The following SCAMP4 variants were observed in gnomAD, a reference collection of about 807,000 sequenced individuals.
SCAMP4 encodes the protein secretory carrier-associated membrane protein 4.
SCAMP4 carries 19 observed loss-of-function variants against 32.1 expected under a neutral mutation model. The ratio of observed to expected loss-of-function variants is 0.59; its 90% CI spans 0.41 to 0.87. The LOEUF is 0.87. SCAMP4 is among the 40% of genes least tolerant of loss of function. SCAMP4 has a pLI of 0.00. For synonymous variants in SCAMP4, 152 were observed against 132.7 expected (o/e 1.15, Z -1.00); for missense variants, 302 against 309.0 (o/e 0.98, Z 0.17).
rs558660731 is a variant in SCAMP4, at chr19:1,921,472, A to G, written c.396-1598A>G. ...GCAGGGGCCCCCGGTGGGCCCCGCC[A>G]GGAATCGGACATCAGCGGGCGCCGC... On this transcript the variant is annotated intron_variant, in intron 5 of 6. Coordinates refer to ENST00000316097, the MANE Select transcript of SCAMP4 (RefSeq NM_079834.4). 17 of 985,410 alleles carry G rather than the reference A, an allele frequency of 1.7e-5. No individual in the cohort carries two copies. The African/African-American group carries it at 2.4e-4, about 14-fold the overall frequency. The allele number at this position is 985,410 out of a possible 1,614,324, so 61.0% of individuals were successfully genotyped here. A position where few individuals can be genotyped will look rare whatever the true frequency, so the allele number is the denominator to read the frequency against.
At chr19:1,919,507 T>A in intron 5 of SCAMP4, 2 of 973,214 alleles carry the variant, frequency 2.1e-6, no homozygotes, top group Non-Finnish European at 2.4e-6. Flanking sequence ...TTTTTTTTTT[T>A]TTTTTTTGAG....
intron 1 of SCAMP4, chr19:1,911,821 G>A (rs1472804105): frequency 2.3e-6 from 1 of 443,096 alleles, no homozygotes; most frequent in South Asian, 7.4e-5. Context: ...AAAATGATCT[G>A]TCTTCTGGTA....
At position 1,919,498 on chromosome 19, in the gene SCAMP4, T is replaced by C. The variant is rs530500201; in HGVS notation, c.395+508T>C. On this transcript the variant is annotated intron_variant, in intron 5 of 6. Coordinates refer to ENST00000316097, the MANE Select transcript of SCAMP4 (RefSeq NM_079834.4). ...AATTTCTGCCTTTTTTCTTTTCTTT[T>C]TTTTTTTTTTTTTTTTGAGACAGAG... 1.2e-4 allele frequency: 109 copies of C among 910,024 alleles called. 1 individual carries two copies. In the East Asian group the frequency reaches 3.0e-3, roughly 25 times the overall value. The allele number at this position is 910,024 out of a possible 1,614,324, so 56.4% of individuals were successfully genotyped here.
chr19:1,907,848 C>A (rs72975698), intron 1 of SCAMP4, among the ~76,000 whole-genome samples: 30 of 151,794 alleles, frequency 2.0e-4, no homozygotes, highest in Non-Finnish European at 4.1e-4. Flanking sequence ...AGTGAGTCGT[C>A]CCCCCGGGCC....
At chr19:1,921,184 T>C (rs2013908852) in intron 5 of SCAMP4, 2 of 984,790 alleles carry the variant, frequency 2.0e-6, no homozygotes. Flanking sequence ...CTCCCTGTCC[T>C]GGGCGGCTTC....
intron 5 of SCAMP4, chr19:1,921,434 AGGACACGGT>A (rs2013916752): frequency 1.0e-6 from 1 of 985,260 alleles, no homozygotes; most frequent in African/African-American, 1.7e-5. Context: ...CCAGGTACTG[AGGACACGGT>A]GCAGCAGGGG....
chr19:1,918,598 C>T lies in SCAMP4; in HGVS notation c.294-291C>T, dbSNP rs141632432. The T allele has an allele frequency of 3.2e-4, 164 of 517,762 alleles. 1 individual carries two copies. In the East Asian group the frequency reaches 5.3e-3, roughly 17 times the overall value. The allele number at this position is 517,762 out of a possible 1,614,324, so 32.1% of individuals were successfully genotyped here. ...CCAACATGGTGAAACGCTGTCTCTA[C>T]TATAGGTACAAAAATTAGCCAGGCG... On this transcript the variant is annotated intron_variant, in intron 4 of 6. Transcript: ENST00000316097.
Position 1,908,676 on chromosome 19 carries a change from G to A in SCAMP4, c.-42+3237G>A. Reference sequence around the variant, plus strand: ...GGATTTTATTATTATTTATTTATTTGAAAAAAGGAACAGGGTCTCTCTATC... The same window carrying A: ...GGATTTTATTATTATTTATTTATTTAAAAAAAGGAACAGGGTCTCTCTATC... On this transcript the variant is annotated intron_variant, in intron 1 of 6. Coordinates refer to ENST00000316097, the MANE Select transcript of SCAMP4 (RefSeq NM_079834.4). The surrounding 1 kb of genome is among the most constrained non-coding windows in gnomAD (Gnocchi z 4.2). The A allele has an allele frequency of 2.3e-6, 1 of 429,306 alleles. No individual in the cohort carries two copies. Among genetic ancestry groups the A allele is most frequent in the South Asian group, 1.7e-5 (1 of 59,068 alleles). 26.6% of individuals were successfully genotyped at this position (429,306 alleles called of 1,614,324 possible).
At chr19:1,915,695 C>T (rs2013708402) in intron 2 of SCAMP4, among the ~76,000 whole-genome samples, 1 of 152,174 alleles carries the variant, frequency 6.6e-6, no homozygotes, top group Admixed American at 6.5e-5. Context: ...GCCTGTAATC[C>T]CAGCACTTTG....
At chr19:1,911,933 TG>T in intron 1 of SCAMP4, 2 of 1,332,558 alleles carry the variant, frequency 1.5e-6, no homozygotes, top group Non-Finnish European at 1.9e-6. Context: ...TGCGGTGACC[TG>T]GGCCGGAGCC....
At chr19:1,906,525 C>G (rs559772786) in intron 1 of SCAMP4, 2 of 151,536 alleles carry the variant, frequency 1.3e-5, no homozygotes, top group South Asian at 4.2e-4. Flanking sequence ...GGCAACAGAG[C>G]GAGACCCTGT....
In SCAMP4 at chr19:1,924,557, C is replaced by T. The variant is rs1204532867; in HGVS notation, c.*273C>T. ...TTGCTCCCGGAAACGTGTGGTCACC[C>T]GCCGTCCACTGCACGGCTGGTACGG... On this transcript the variant is annotated 3_prime_UTR_variant, in exon 7 of 7. Coordinates refer to ENST00000316097, the MANE Select transcript of SCAMP4 (RefSeq NM_079834.4). The T allele has an allele frequency of 4.0e-6, 2 of 494,676 alleles. No individual in the cohort carries two copies. Among genetic ancestry groups the T allele is most frequent in the Non-Finnish European group, 7.5e-6 (2 of 267,596 alleles). The allele number at this position is 494,676 out of a possible 1,614,324, so 30.6% of individuals were successfully genotyped here.
chr19:1,916,571 GCCTCAGCCT>G (rs2013740340), intron 2 of SCAMP4, among the ~76,000 whole-genome samples: 4 of 152,128 alleles, frequency 2.6e-5, no homozygotes, highest in African/African-American at 9.7e-5. Flanking sequence ...CGATCCTCCT[GCCTCAGCCT>G]CCCGAGAAGC....
intron 6 of SCAMP4, among the ~76,000 whole-genome samples, chr19:1,923,782 C>T (rs894751634): frequency 6.8e-6 from 1 of 147,282 alleles, no homozygotes; most frequent in Non-Finnish European, 1.5e-5. Context: ...CCGCACCTGG[C>T]TAATTATTTT....
Position 1,908,093 on chromosome 19 carries a change from A to G in SCAMP4, c.-42+2654A>G, listed in dbSNP as rs1479438523. 1.0e-5 allele frequency: 2 copies of G among 192,332 alleles called. No individual in the cohort carries two copies. The highest frequency in any genetic ancestry group is 4.8e-5 in the African/African-American group (2 of 41,574). The allele number at this position is 192,332 out of a possible 1,614,324, so 11.9% of individuals were successfully genotyped here. A position where few individuals can be genotyped will look rare whatever the true frequency, so the allele number is the denominator to read the frequency against. On this transcript the variant is annotated intron_variant, in intron 1 of 6. Transcript: ENST00000316097. This position sits in a 1 kb window ranked among gnomAD's most constrained non-coding sequence, Gnocchi z 4.2. Reference sequence around the variant, plus strand: ...TGTGTTTGTCTTTTACCCTGGAGACAGTGGAGTGTTTGTGGCCTAGCAGGG... The same window carrying G: ...TGTGTTTGTCTTTTACCCTGGAGACGGTGGAGTGTTTGTGGCCTAGCAGGG...
At chr19:1,919,435 G>A in intron 5 of SCAMP4, 2 of 985,148 alleles carry the variant, frequency 2.0e-6, no homozygotes, top group Non-Finnish European at 2.4e-6. Flanking sequence ...ACTCTCTAAG[G>A]CTGCCAGGTG....
chr19:1,912,945 C>G lies in SCAMP4; in HGVS notation c.-41-2034C>G, dbSNP rs1292691294. Reference sequence around the variant, plus strand: ...CCCCTACCTGTGCACTGGCTACGACCTGTACGTGACCCGCGAGCCCTGCGC... The same window carrying G: ...CCCCTACCTGTGCACTGGCTACGACGTGTACGTGACCCGCGAGCCCTGCGC... On this transcript the variant is annotated intron_variant, in intron 1 of 6. Coordinates refer to ENST00000316097, the MANE Select transcript of SCAMP4 (RefSeq NM_079834.4). 11 of 1,610,324 alleles carry G rather than the reference C, an allele frequency of 6.8e-6. No homozygotes were observed. In the East Asian group the frequency reaches 1.1e-4, roughly 16 times the overall value.
chr19:1,905,478 C>T (rs1323926999), intron 1 of SCAMP4, 39 bp downstream of exon 1: 3 of 447,790 alleles, frequency 6.7e-6, no homozygotes, highest in South Asian at 1.6e-5. Flanking sequence ...TCTCCAGGCT[C>T]AGACTTCCCC....
chr19:1,920,760 G>A, intron 5 of SCAMP4: 1 of 985,528 alleles, frequency 1.0e-6, no homozygotes, highest in Non-Finnish European at 1.2e-6. Flanking sequence ...CCTCCTGTGA[G>A]CCGCCTCCCC....
Sources: allele counts gnomAD v4.1 joint callset (sites outside exome capture counted in the v4.1 genomes callset), GRCh38; gene constraint gnomAD v4.1.1; non-coding constraint Gnocchi (gnomAD v3.1); transcripts MANE v1.5; gene names NCBI Gene and HGNC (gene_info 2026-07-23, HGNC 2026-07-21).